Variants in CADM2 observed in about 807,000 individuals in gnomAD.
CADM2 encodes cell adhesion molecule 2.
Under a neutral mutation model 49.8 loss-of-function variants are expected in CADM2, and 12 were observed. The observed-to-expected ratio is 0.24, with a 90% CI of 0.15 to 0.39. CADM2 has a LOEUF of 0.39. Ranked by LOEUF, CADM2 falls within the 10% of genes least tolerant of loss-of-function variation. The pLI, the probability that CADM2 is intolerant of heterozygous loss-of-function variation, is 1.00. For missense variants in CADM2, 378 were observed against 492.3 expected, an observed-to-expected ratio of 0.77 and a Z score of 2.20; for synonymous variants, 214 against 175.4, an observed-to-expected ratio of 1.22 and a Z score of -1.74.
At chr3:85,193,468 T>C (rs2041261788) in intron 1 of CADM2, among the ~76,000 whole-genome samples, 1 of 152,100 alleles carries the variant, frequency 6.6e-6, no homozygotes, top group Non-Finnish European at 1.5e-5. Flanking sequence ...ATCTGCTCTC[T>C]TTATGTGATA....
chr3:85,979,261 T>G, intron 8 of CADM2: 2 of 1,610,578 alleles, frequency 1.2e-6, no homozygotes, highest in Non-Finnish European at 1.7e-6. Context: ...CAACCACATC[T>G]GCAACAACCA....
At chr3:85,329,172 T>C (rs2044838955) in intron 1 of CADM2, among the ~76,000 whole-genome samples, 1 of 151,998 alleles carries the variant, frequency 6.6e-6, no homozygotes. Context: ...AAGAAACCAA[T>C]CCTAATTTAA....
chr3:85,043,413 C>A (rs2035522806), intron 1 of CADM2, among the ~76,000 whole-genome samples: 1 of 151,972 alleles, frequency 6.6e-6, no homozygotes, highest in Non-Finnish European at 1.5e-5. Context: ...GGTGCAGGGG[C>A]TCATGCCTGT....
intron 8 of CADM2, among the ~76,000 whole-genome samples, chr3:86,046,783 C>A (rs1266608459): frequency 6.6e-6 from 1 of 151,332 alleles, no homozygotes; most frequent in Non-Finnish European, 1.5e-5. Flanking sequence ...CACCCCCAAC[C>A]CCCCCTCATT....
chr3:85,449,815 G>T (rs890132922), intron 1 of CADM2, among the ~76,000 whole-genome samples: 2 of 152,066 alleles, frequency 1.3e-5, no homozygotes, highest in African/African-American at 4.8e-5. Flanking sequence ...ATGAGAAAAT[G>T]AATAAAAGCC....
intron 1 of CADM2, among the ~76,000 whole-genome samples, chr3:85,329,683 T>G (rs534055876): frequency 6.6e-6 from 1 of 152,310 alleles, no homozygotes; most frequent in East Asian, 1.9e-4. Context: ...AAGTATGTAT[T>G]TATATATGGT....
intron 1 of CADM2, among the ~76,000 whole-genome samples, chr3:85,172,266 G>C (rs575306019): frequency 6.6e-6 from 1 of 152,166 alleles, no homozygotes; most frequent in South Asian, 2.1e-4. Flanking sequence ...AGTCATTCTA[G>C]CCATCTTCAC....
intron 1 of CADM2, among the ~76,000 whole-genome samples, chr3:85,709,417 C>A (rs781088486): frequency 6.6e-6 from 1 of 152,012 alleles, no homozygotes; most frequent in Non-Finnish European, 1.5e-5. Flanking sequence ...TGTTTTGTTG[C>A]GTTACATACA....
intron 1 of CADM2, among the ~76,000 whole-genome samples, chr3:85,689,909 G>A (rs996837386): frequency 6.6e-5 from 10 of 152,058 alleles, no homozygotes; most frequent in Non-Finnish European, 1.5e-4. Flanking sequence ...TTGGTAAGAC[G>A]AAAACAACAG....
At chr3:85,469,974 G>A (rs963332618) in intron 1 of CADM2, among the ~76,000 whole-genome samples, 1 of 152,142 alleles carries the variant, frequency 6.6e-6, no homozygotes, top group African/African-American at 2.4e-5. Context: ...TTTGGAAGGG[G>A]AGGTGATGCT....
intron 1 of CADM2, among the ~76,000 whole-genome samples, chr3:85,045,117 T>C (rs979075055): frequency 6.6e-6 from 1 of 152,178 alleles, no homozygotes; most frequent in African/African-American, 2.4e-5. Flanking sequence ...ATTCTGTGTA[T>C]CTTTCAAACA....
chr3:85,761,496 C>A (rs760922843), intron 2 of CADM2, among the ~76,000 whole-genome samples: 1 of 150,570 alleles, frequency 6.6e-6, no homozygotes, highest in Non-Finnish European at 1.5e-5. Flanking sequence ...CTTACCTCAG[C>A]CTCCCGAGTA....
intron 1 of CADM2, among the ~76,000 whole-genome samples, chr3:85,508,030 A>C (rs976166527): frequency 9.9e-5 from 15 of 152,158 alleles, no homozygotes; most frequent in African/African-American, 3.6e-4. Flanking sequence ...TACATGTCTC[A>C]ACATGTCCCA....
chr3:85,028,324 A>T (rs2107316092), intron 1 of CADM2, among the ~76,000 whole-genome samples: 1 of 152,250 alleles, frequency 6.6e-6, no homozygotes, highest in Non-Finnish European at 1.5e-5. Context: ...CTTCTCCCTA[A>T]ACTGCTTTTC....
At chr3:85,043,382 A>C (rs2035520713) in intron 1 of CADM2, among the ~76,000 whole-genome samples, 1 of 152,010 alleles carries the variant, frequency 6.6e-6, no homozygotes, top group Admixed American at 6.6e-5. Flanking sequence ...GTATATGACC[A>C]TGAACATGTC....
intron 5 of CADM2, among the ~76,000 whole-genome samples, chr3:85,904,756 G>A (rs747883344): frequency 3.9e-5 from 6 of 151,994 alleles, no homozygotes; most frequent in Non-Finnish European, 7.4e-5. Context: ...ACGTTTTCAC[G>A]ATATTGACTC....
intron 1 of CADM2, among the ~76,000 whole-genome samples, chr3:85,649,281 T>C (rs1408497663): frequency 1.3e-5 from 2 of 151,984 alleles, no homozygotes; most frequent in African/African-American, 4.8e-5. Context: ...TTTGTTCATT[T>C]ATTTTGAGTC....
chr3:85,318,203 A>G (rs930617743), intron 1 of CADM2, among the ~76,000 whole-genome samples: 1 of 151,444 alleles, frequency 6.6e-6, no homozygotes, highest in East Asian at 1.9e-4. Flanking sequence ...AAAAAAATAT[A>G]TATATAGTCA....
At chr3:85,037,713 G>A (rs2035277297) in intron 1 of CADM2, among the ~76,000 whole-genome samples, 1 of 152,012 alleles carries the variant, frequency 6.6e-6, no homozygotes, top group African/African-American at 2.4e-5. Context: ...TATATGCCTT[G>A]GGACAGAGTC....
Sources: allele counts gnomAD v4.1 joint callset (sites outside exome capture counted in the v4.1 genomes callset), GRCh38; gene constraint gnomAD v4.1.1; transcripts MANE v1.5; gene names NCBI Gene and HGNC (gene_info 2026-07-23, HGNC 2026-07-21).